The following PALD1 variants were observed in gnomAD, a reference collection of about 807,000 sequenced individuals.
PALD1 encodes paladin.
PALD1 carries 57 observed loss-of-function variants against 96.0 expected under a neutral mutation model. That is an observed-to-expected ratio of 0.59 (90% confidence interval 0.48 to 0.74). The LOEUF is 0.74. Among genes scored for constraint, PALD1 ranks in the 30% least tolerant of loss-of-function variants. The probability of loss-of-function intolerance (pLI) is 0.00; values close to 1 mark genes in which losing one functional copy is unlikely to be tolerated. For synonymous variants in PALD1, 464 were observed against 473.6 expected, an observed-to-expected ratio of 0.98 and a Z score of 0.26; for missense variants, 1,063 against 1,143.7, an observed-to-expected ratio of 0.93 and a Z score of 1.02.
rs563928444 is a variant in PALD1 at position 70,541,339 on chromosome 10, C to T, written c.2049+97C>T. 9.9e-6 allele frequency: 15 copies of T among 1,522,268 alleles called. No homozygotes were observed. The African/African-American group carries it at 1.5e-4, about 15-fold the overall frequency. The allele number at this position is 1,522,268 out of a possible 1,614,324, so 94.3% of individuals were successfully genotyped here. A position where few individuals can be genotyped will look rare whatever the true frequency, so the allele number is the denominator to read the frequency against. On this transcript the variant is annotated intron_variant, in intron 16 of 19. Transcript: ENST00000263563. Reference sequence around the variant, plus strand: ...TGGCTCCACAGGAGGGTGTGAGGGGCAGAGACAGCCGGGTGTGGTCCCAGA... The same window carrying T: ...TGGCTCCACAGGAGGGTGTGAGGGGTAGAGACAGCCGGGTGTGGTCCCAGA...
chr10:70,474,881 A>G (rs1191230384), upstream of PALD1, among the ~76,000 whole-genome samples: 1 of 152,272 alleles, frequency 6.6e-6, no homozygotes, highest in Admixed American at 6.5e-5. Flanking sequence ...GAAGGATTCC[A>G]GAGTGGACAG....
Position 70,529,215 on chromosome 10 carries a change from C to CAT in PALD1, c.186-14_186-13insAT. The CAT allele has an allele frequency of 7.6e-6, 2 of 264,154 alleles. No individual in the cohort carries two copies. The highest frequency in any genetic ancestry group is 7.3e-6 in the Non-Finnish European group (1 of 136,394). The allele number at this position is 264,154 out of a possible 1,614,324, so 16.4% of individuals were successfully genotyped here. A position where few individuals can be genotyped will look rare whatever the true frequency, so the allele number is the denominator to read the frequency against. On this transcript the variant is annotated splice_polypyrimidine_tract_variant and intron_variant, in intron 2 of 19. Transcript: ENST00000263563. ...TGACTCAGTTTCCATTCTGCCCCCC[C>CAT]CCCCCCCCCCCAGGTACAACTGCAA...
chr10:70,548,622 G>A (rs1040931282), intron 18 of PALD1, among the ~76,000 whole-genome samples: 1 of 152,226 alleles, frequency 6.6e-6, no homozygotes, highest in South Asian at 2.1e-4. Context: ...GGTGCTGAGA[G>A]AGGGCTATAT....
At chr10:70,486,296 G>A (rs1047005973) in intron 1 of PALD1, 2 of 157,236 alleles carry the variant, frequency 1.3e-5, no homozygotes, top group Admixed American at 6.6e-5. Flanking sequence ...GCTCCCACTT[G>A]TTGTTGCCTG....
At chr10:70,544,477 C>T (rs372605305) in intron 17 of PALD1, among the ~76,000 whole-genome samples, 13 of 151,948 alleles carry the variant, frequency 8.6e-5, no homozygotes, top group African/African-American at 3.1e-4. Context: ...TATATGTGGA[C>T]TGGGGAGTGG....
At chr10:70,472,046 C>T in the PALD1 span, among the ~76,000 whole-genome samples, 1 of 152,182 alleles carries the variant, frequency 6.6e-6, no homozygotes, top group Non-Finnish European at 1.5e-5. Flanking sequence ...GCAACCCCTC[C>T]AAGTGCCCAC....
Position 70,539,244 on chromosome 10 carries a change from G to T in PALD1, c.1722G>T (p.Leu574=). Reference sequence around the variant, plus strand: ...GGCCCCCTGTGGCTCCTGACCAGCTGGAGGTGAGGCCCCCTGCCCTCTAGG... The same window carrying T: ...GGCCCCCTGTGGCTCCTGACCAGCTTGAGGTGAGGCCCCCTGCCCTCTAGG... ...WPGPPVAPDQ[L]ETLEAQLKAH... is the part of the protein sequence containing the mutation. The change falls in exon 14 of 20, where the codon CTG becomes CTT. Residue 574 remains leucine, a synonymous_variant. Coordinates refer to ENST00000263563, the MANE Select transcript of PALD1 (RefSeq NM_014431.3). The surrounding 1 kb of genome is among the most constrained non-coding windows in gnomAD (Gnocchi z 4.5). 6.2e-7 allele frequency: 1 copy of T among 1,607,696 alleles called. No individual in the cohort carries two copies. The highest frequency in any genetic ancestry group is 8.5e-7 in the Non-Finnish European group (1 of 1,177,648).
intron 19 of PALD1, 48 bp downstream of exon 19, chr10:70,564,567 G>C: frequency 6.3e-7 from 1 of 1,583,248 alleles, no homozygotes; most frequent in Non-Finnish European, 8.6e-7. Context: ...GGCTCCTGCA[G>C]ATGGAGCTGG....
In PALD1 at chr10:70,478,808, C is replaced by T. The variant is rs1003985853; in HGVS notation, c.-281C>T. 1.3e-5 allele frequency: 2 copies of T among 151,502 alleles called. No homozygotes were observed. Among genetic ancestry groups the T allele is most frequent in the African/African-American group, 4.8e-5 (2 of 41,360 alleles). 9.4% of individuals were successfully genotyped at this position (151,502 alleles called of 1,614,324 possible). A position where few individuals can be genotyped will look rare whatever the true frequency, so the allele number is the denominator to read the frequency against. On this transcript the variant is annotated 5_prime_UTR_variant, in exon 1 of 20. It adds an upstream start codon to the 5' untranslated region. Coordinates refer to ENST00000263563, the MANE Select transcript of PALD1 (RefSeq NM_014431.3). ...GCGCTGGGGAGCAGCGCGGCGCGCA[C>T]GGGCCGGGGCGCGCAGGTCCCGTCG...
the PALD1 span, among the ~76,000 whole-genome samples, chr10:70,472,596 C>T: frequency 3.8e-4 from 58 of 152,218 alleles, 2 homozygotes; most frequent in South Asian, 9.6e-3. Context: ...GAGGGTGGGA[C>T]GGAAGGGGTG....
rs1033247669 is a variant in PALD1 at position 70,538,936 on chromosome 10, A to G, written c.1497A>G (p.Arg499=). ...LVSPDALSTV[R]EMDVANFRRV... ...CCCCGGACGCGCTCAGCACTGTCAG[A>G]GAGATGGATGTGGCCAACTTCCGGC... The change falls in exon 13 of 20, where the codon AGA becomes AGG. Residue 499 remains arginine, a synonymous_variant. Coordinates refer to ENST00000263563, the MANE Select transcript of PALD1 (RefSeq NM_014431.3). 6.2e-7 allele frequency: 1 copy of G among 1,613,704 alleles called. No individual in the cohort carries two copies. Among genetic ancestry groups the G allele is most frequent in the Non-Finnish European group, 8.5e-7 (1 of 1,179,978 alleles).
At chr10:70,558,722 G>T (rs1319460595) in intron 18 of PALD1, among the ~76,000 whole-genome samples, 1 of 151,952 alleles carries the variant, frequency 6.6e-6, no homozygotes, top group Non-Finnish European at 1.5e-5. Context: ...TCTTACTAAA[G>T]AAGGTACAGA....
rs1280265999 is a variant in PALD1 at position 70,531,505 on chromosome 10, C to T, written c.633+51C>T. ...GACCCCAGCCCACAGCCCAGCTTTGCAGATGCTCTTTTTGGGGCCAGCTCA... is the reference window on the plus strand; with the variant it reads ...GACCCCAGCCCACAGCCCAGCTTTGTAGATGCTCTTTTTGGGGCCAGCTCA... On this transcript the variant is annotated intron_variant, in intron 5 of 19. Transcript: ENST00000263563. The T allele has an allele frequency of 4.5e-6, 7 of 1,543,266 alleles. No homozygotes were observed. The South Asian group carries it at 5.9e-5, about 13-fold the overall frequency.
At chr10:70,491,101 A>T (rs60367177) in intron 1 of PALD1, among the ~76,000 whole-genome samples, 5,224 of 152,066 alleles carry the variant, frequency 0.034, 242 homozygotes, top group African/African-American at 0.11. Context: ...ACCTGCCACC[A>T]CGCCTGGCTA....
chr10:70,530,087 A>C lies in PALD1; in HGVS notation c.468+19A>C. The C allele has an allele frequency of 6.7e-7, 1 of 1,490,302 alleles. No homozygotes were observed. The highest frequency in any genetic ancestry group is 8.9e-7 in the Non-Finnish European group (1 of 1,120,986). The allele number at this position is 1,490,302 out of a possible 1,614,324, so 92.3% of individuals were successfully genotyped here. On this transcript the variant is annotated intron_variant, in intron 4 of 19. Transcript: ENST00000263563. ...ACATAGGGTAAGTATGCCACTTCCCAGGCAGAAGCCAGGTCCCCAAAGCCA... is the reference window on the plus strand; with the variant it reads ...ACATAGGGTAAGTATGCCACTTCCCCGGCAGAAGCCAGGTCCCCAAAGCCA...
chr10:70,521,634 G>GT (rs1846738386), intron 1 of PALD1, among the ~76,000 whole-genome samples: 1 of 151,774 alleles, frequency 6.6e-6, no homozygotes, highest in Non-Finnish European at 1.5e-5. Flanking sequence ...CTGGGTTCAA[G>GT]GATTCTCCTG....
upstream of PALD1, among the ~76,000 whole-genome samples, chr10:70,475,219 C>T (rs1010890960): frequency 3.9e-5 from 6 of 152,190 alleles, no homozygotes; most frequent in African/African-American, 1.4e-4. Flanking sequence ...CCCAGGTCTG[C>T]CCTGCTTAAA....
chr10:70,496,352 T>C (rs73268799), intron 1 of PALD1, among the ~76,000 whole-genome samples: 3,691 of 152,320 alleles, frequency 0.024, 117 homozygotes, highest in African/African-American at 0.074. Flanking sequence ...TGTGTCTCCC[T>C]ACCCAGATCA....
chr10:70,467,585 T>A, the PALD1 span, among the ~76,000 whole-genome samples: 4 of 152,098 alleles, frequency 2.6e-5, no homozygotes, highest in East Asian at 1.9e-4. Context: ...CTGGGAGGAT[T>A]CAAGTTAGGC....
Sources: allele counts gnomAD v4.1 joint callset (sites outside exome capture counted in the v4.1 genomes callset), GRCh38; gene constraint gnomAD v4.1.1; non-coding constraint Gnocchi (gnomAD v3.1); transcripts MANE v1.5; gene names NCBI Gene and HGNC (gene_info 2026-07-23, HGNC 2026-07-21).